Variants in NOS1AP observed in about 807,000 individuals in gnomAD.
NOS1AP encodes the protein nitric oxide synthase 1 adaptor protein.
A neutral mutation model predicts 56.2 loss-of-function variants in NOS1AP; 21 were observed. The observed-to-expected ratio is 0.37, with a 90% CI of 0.26 to 0.54. The LOEUF (loss-of-function observed/expected upper bound fraction) is 0.54, where lower values mean the gene tolerates loss of function less well. NOS1AP is among the 20% of genes least tolerant of loss of function. NOS1AP has a pLI of 0.84. For missense variants in NOS1AP, 522 were observed against 657.8 expected (o/e 0.79, Z 2.26); for synonymous variants, 270 against 274.6 (o/e 0.98, Z 0.17).
chr1:162,369,207 TTG>T lies in NOS1AP; in HGVS notation c.*1744_*1745del. 6.6e-6 allele frequency: 1 copy of T among 152,314 alleles called. No individual in the cohort carries two copies. The highest frequency in any genetic ancestry group is 1.5e-5 in the Non-Finnish European group (1 of 68,032). 9.4% of individuals were successfully genotyped at this position (152,314 alleles called of 1,614,324 possible). The stretch of plus-strand genomic sequence containing the variant: ...CAGGGTGTTTGAATCAGCAACAGAT[TTG>T]TGTTTTCTAACATGCATTTAGTTGG... On this transcript the variant is annotated 3_prime_UTR_variant, in exon 10 of 10. Transcript: ENST00000361897.
chr1:162,081,923 T>G (rs1158046849), intron 1 of NOS1AP, among the ~76,000 whole-genome samples: 1 of 151,214 alleles, frequency 6.6e-6, no homozygotes, highest in African/African-American at 2.4e-5. Flanking sequence ...TTTTTTTCCT[T>G]TATTCCATTT....
chr1:162,291,191 G>A (rs1054966719), intron 3 of NOS1AP, among the ~76,000 whole-genome samples: 3 of 152,154 alleles, frequency 2.0e-5, no homozygotes, highest in Admixed American at 6.5e-5. Flanking sequence ...CTGGTGAATG[G>A]TGATGTGTTT....
Position 162,315,672 on chromosome 1 carries a change from C to T in NOS1AP, c.344+14966C>T, listed in dbSNP as rs562505920. ...CTGAGAACTGGCTTTTGAGGAGTTA[C>T]AGCCTTTCCCAGTTGCTGGCAGTCA... is the stretch of plus-strand genomic sequence containing the variant. On this transcript the variant is annotated intron_variant, in intron 4 of 9. Transcript: ENST00000361897. 5.3e-5 allele frequency among the ~76,000 whole-genome samples: 8 copies of T among 152,350 alleles called. No homozygotes were observed. The East Asian group carries it at 1.3e-3, about 26-fold the overall frequency.
intron 2 of NOS1AP, among the ~76,000 whole-genome samples, chr1:162,267,497 G>T (rs907807309): frequency 1.3e-5 from 2 of 151,192 alleles, no homozygotes; most frequent in Admixed American, 6.6e-5. Context: ...GGGCACAGTG[G>T]CTCACAACTT....
chr1:162,352,420 A>ATT (rs11362097), intron 6 of NOS1AP, among the ~76,000 whole-genome samples: 2,612 of 139,870 alleles, frequency 0.019, 67 homozygotes, highest in African/African-American at 0.064. Context: ...TGCCCCTGGT[A>ATT]TTTTTTTTTT....
chr1:162,104,373 C>T (rs6696160), intron 1 of NOS1AP, among the ~76,000 whole-genome samples: 94,715 of 151,916 alleles, frequency 0.62, 29,875 homozygotes, highest in Non-Finnish European at 0.67. Context: ...GAGGATCTGA[C>T]TAGTATGTGT....
intron 2 of NOS1AP, among the ~76,000 whole-genome samples, chr1:162,253,721 A>T (rs1295711883): frequency 2.6e-5 from 4 of 152,198 alleles, no homozygotes; most frequent in African/African-American, 9.6e-5. Flanking sequence ...TGAGAAATGC[A>T]GTTTTTTCAA....
chr1:162,174,197 G>A (rs953978469), intron 2 of NOS1AP, among the ~76,000 whole-genome samples: 3 of 151,964 alleles, frequency 2.0e-5, no homozygotes, highest in African/African-American at 7.3e-5. Context: ...AAGAAAATGT[G>A]GCACATATAC....
intron 3 of NOS1AP, among the ~76,000 whole-genome samples, chr1:162,291,045 A>G (rs1381308597): frequency 6.6e-6 from 1 of 151,408 alleles, no homozygotes; most frequent in Non-Finnish European, 1.5e-5. Flanking sequence ...AAAAACCCAC[A>G]AAAGACAGCC....
At chr1:162,304,145 A>T (rs1655744503) in intron 4 of NOS1AP, among the ~76,000 whole-genome samples, 1 of 152,090 alleles carries the variant, frequency 6.6e-6, no homozygotes, top group African/African-American at 2.4e-5. Context: ...TTTATGTGGT[A>T]TGAGGAATAG....
intron 2 of NOS1AP, among the ~76,000 whole-genome samples, chr1:162,165,534 G>A (rs960643202): frequency 2.6e-5 from 4 of 152,126 alleles, no homozygotes; most frequent in African/African-American, 9.7e-5. Flanking sequence ...GTACCAAGAG[G>A]TTAAATAACT....
chr1:162,167,634 G>C (rs575875000), intron 2 of NOS1AP, among the ~76,000 whole-genome samples: 2 of 152,298 alleles, frequency 1.3e-5, no homozygotes, highest in South Asian at 4.1e-4. Context: ...CCTTCATCAG[G>C]CTCAGGCCAT....
At chr1:162,278,707 G>A (rs1233271152) in intron 2 of NOS1AP, among the ~76,000 whole-genome samples, 3 of 148,182 alleles carry the variant, frequency 2.0e-5, no homozygotes. Flanking sequence ...GTGTGTGTGT[G>A]TGTGTAGATA....
chr1:162,365,337 C>G, intron 8 of NOS1AP, 67 bp from the exon 9 acceptor site: 3 of 1,609,710 alleles, frequency 1.9e-6, no homozygotes, highest in Non-Finnish European at 2.5e-6. Context: ...GCCAGTGACT[C>G]TCATGTGCAT....
chr1:162,076,620 T>G (rs1691774706), intron 1 of NOS1AP, among the ~76,000 whole-genome samples: 1 of 152,114 alleles, frequency 6.6e-6, no homozygotes, highest in Admixed American at 6.5e-5. Context: ...AATCCCAGCA[T>G]TTTGGGAGGC....
chr1:162,341,095 G>A (rs190784555), intron 5 of NOS1AP, among the ~76,000 whole-genome samples: 118 of 152,304 alleles, frequency 7.7e-4, no homozygotes, highest in Admixed American at 1.2e-3. Flanking sequence ...AAATCTGAGG[G>A]ATTCCTTCCA....
intron 2 of NOS1AP, among the ~76,000 whole-genome samples, chr1:162,283,058 T>TTC (rs67352876): frequency 6.6e-6 from 1 of 151,312 alleles, no homozygotes; most frequent in Non-Finnish European, 1.5e-5. Flanking sequence ...GGATCCTGTT[T>TTC]TCTCTCTCTC....
At chr1:162,314,267 A>G (rs2819328) in intron 4 of NOS1AP, among the ~76,000 whole-genome samples, 134,185 of 152,268 alleles carry the variant, frequency 0.88, 60,314 homozygotes, top group Middle Eastern at 0.98. Context: ...AAAGCAATCA[A>G]AATTAAACCT....
At chr1:162,121,479 A>G (rs1485020312) in intron 1 of NOS1AP, among the ~76,000 whole-genome samples, 1 of 152,106 alleles carries the variant, frequency 6.6e-6, no homozygotes, top group African/African-American at 2.4e-5. Context: ...AGGCCAAGTG[A>G]ATGTCTCCAA....
Sources: gnomAD v4.1 joint callset for allele counts (sites outside exome capture counted in the v4.1 genomes callset) on GRCh38, gnomAD v4.1.1 for gene constraint, MANE v1.5 for transcripts, NCBI Gene and HGNC (gene_info 2026-07-23, HGNC 2026-07-21) for gene names.